Variants in PRKG1 observed in about 807,000 individuals in gnomAD.
PRKG1 encodes the protein cGMP-dependent protein kinase 1.
In PRKG1, 35 loss-of-function variants were observed where a neutral mutation model predicts 88.1. That is an observed-to-expected ratio of 0.40 (90% CI 0.30 to 0.53). The LOEUF is 0.53. PRKG1 is among the 20% of genes least tolerant of loss of function. The probability of loss-of-function intolerance (pLI) is 0.59; values close to 1 mark genes in which losing one functional copy is unlikely to be tolerated. For missense variants in PRKG1, 540 were observed against 839.8 expected (o/e 0.64, Z 4.41); for synonymous variants, 303 against 292.5 (o/e 1.04, Z -0.37).
intron 3 of PRKG1, among the ~76,000 whole-genome samples, chr10:51,598,892 A>G (rs1838526544): frequency 1.3e-5 from 2 of 152,148 alleles, no homozygotes; most frequent in African/African-American, 2.4e-5. Flanking sequence ...GATGGCTGTC[A>G]TGTTTCCCGT....
chr10:51,080,390 T>C (rs1844076367), intron 1 of PRKG1, among the ~76,000 whole-genome samples: 1 of 152,144 alleles, frequency 6.6e-6, no homozygotes, highest in South Asian at 2.1e-4. Flanking sequence ...AGAACACAGA[T>C]GATGTTTCTA....
chr10:50,994,177 G>T (rs1224856173), intron 1 of PRKG1, among the ~76,000 whole-genome samples: 1 of 152,068 alleles, frequency 6.6e-6, no homozygotes, highest in East Asian at 1.9e-4. Context: ...TATAATATAT[G>T]GGGAGAGTAA....
intron 1 of PRKG1, among the ~76,000 whole-genome samples, chr10:51,136,626 T>G (rs1476602743): frequency 6.9e-6 from 1 of 145,286 alleles, no homozygotes; most frequent in Non-Finnish European, 1.5e-5. Flanking sequence ...GGAAGGGAGA[T>G]GAAAATACAG....
intron 4 of PRKG1, among the ~76,000 whole-genome samples, chr10:51,847,201 C>T (rs1589348914): frequency 1.3e-5 from 2 of 152,032 alleles, no homozygotes; most frequent in Non-Finnish European, 2.9e-5. Flanking sequence ...TTCTAATTTC[C>T]AAAAGAATTT....
At chr10:51,248,406 TA>T (rs1042775961) in intron 2 of PRKG1, among the ~76,000 whole-genome samples, 3 of 151,842 alleles carry the variant, frequency 2.0e-5, no homozygotes, top group African/African-American at 2.4e-5. Flanking sequence ...AATGTTTTAT[TA>T]AAAAAATCGC....
intron 2 of PRKG1, among the ~76,000 whole-genome samples, chr10:51,415,147 G>A (rs78201693): frequency 0.02 from 3,006 of 152,300 alleles, 91 homozygotes; most frequent in African/African-American, 0.068. Context: ...TCTGATCTCA[G>A]AGCCTATGTC....
intron 17 of PRKG1, among the ~76,000 whole-genome samples, chr10:52,291,288 G>T (rs1466859039): frequency 6.6e-6 from 1 of 150,458 alleles, no homozygotes; most frequent in Non-Finnish European, 1.5e-5. Context: ...AAGTTTTAGG[G>T]TACATGTGCA....
At chr10:51,575,467 C>A (rs1487821639) in intron 3 of PRKG1, among the ~76,000 whole-genome samples, 2 of 151,874 alleles carry the variant, frequency 1.3e-5, no homozygotes. Flanking sequence ...TTGAGATATT[C>A]TTTCCAGAAT....
chr10:51,810,581 C>A (rs984396015), intron 4 of PRKG1, among the ~76,000 whole-genome samples: 2 of 152,110 alleles, frequency 1.3e-5, no homozygotes, highest in African/African-American at 2.4e-5. Context: ...AGGTAGTGAG[C>A]CCCAAGTCCA....
chr10:51,380,806 G>T (rs1238654816), intron 2 of PRKG1, among the ~76,000 whole-genome samples: 1 of 152,118 alleles, frequency 6.6e-6, no homozygotes, highest in Non-Finnish European at 1.5e-5. Flanking sequence ...GGGGGCCAGG[G>T]TATAACCTTA....
intron 4 of PRKG1, among the ~76,000 whole-genome samples, chr10:51,827,923 C>T (rs929985035): frequency 6.6e-6 from 1 of 151,954 alleles, no homozygotes; most frequent in Non-Finnish European, 1.5e-5. Flanking sequence ...TTCTCTGGTA[C>T]CTGAGAAACT....
In PRKG1 at chr10:51,930,071, G is replaced by A. The variant is rs893333977; in HGVS notation, c.762+22501G>A. On this transcript the variant is annotated intron_variant, in intron 5 of 17. Transcript: ENST00000373980. ...CAAAGTTCACTCCATGTGGTGGTAT[G>A]TCAGAATTTCCTTCCTTCTAAGGCT... is the stretch of plus-strand genomic sequence containing the variant. Among the ~76,000 whole-genome samples the A allele has an allele frequency of 2.0e-5, 3 of 152,314 alleles. No homozygotes were observed. The South Asian group carries it at 6.2e-4, about 32-fold the overall frequency.
intron 2 of PRKG1, among the ~76,000 whole-genome samples, chr10:51,405,447 G>A (rs1837882445): frequency 6.6e-6 from 1 of 152,156 alleles, no homozygotes; most frequent in Non-Finnish European, 1.5e-5. Flanking sequence ...GATAGCCACT[G>A]CTAAAATTCA....
intron 5 of PRKG1, among the ~76,000 whole-genome samples, chr10:51,955,599 A>G (rs991708518): frequency 1.3e-5 from 2 of 152,160 alleles, no homozygotes; most frequent in Non-Finnish European, 2.9e-5. Context: ...ATTATGATGA[A>G]TAGTTTTTTA....
At chr10:51,053,530 A>AC (rs1253538930) in intron 1 of PRKG1, among the ~76,000 whole-genome samples, 1 of 152,016 alleles carries the variant, frequency 6.6e-6, no homozygotes, top group Admixed American at 6.6e-5. Context: ...TACATGCATC[A>AC]CCCCCCATGG....
chr10:51,809,900 C>T (rs1473861748), intron 4 of PRKG1, among the ~76,000 whole-genome samples: 12 of 152,144 alleles, frequency 7.9e-5, no homozygotes. Flanking sequence ...CCATCTTCTC[C>T]TTCTTTATTC....
intron 3 of PRKG1, among the ~76,000 whole-genome samples, chr10:51,495,319 GCCTGA>G (rs1268608428): frequency 1.3e-5 from 2 of 152,176 alleles, no homozygotes; most frequent in East Asian, 3.9e-4. Flanking sequence ...GGTCTTAGAC[GCCTGA>G]CCTCAAGTGG....
At chr10:51,393,664 A>G (rs1837500365) in intron 2 of PRKG1, among the ~76,000 whole-genome samples, 1 of 152,154 alleles carries the variant, frequency 6.6e-6, no homozygotes, top group South Asian at 2.1e-4. Flanking sequence ...TTGGCTCAGG[A>G]CTCATAATCC....
chr10:51,138,675 G>GTTTTTTTTTTTTT lies in PRKG1; in HGVS notation c.312-14475_312-14463dup, dbSNP rs71459405. Among the ~76,000 whole-genome samples the GTTTTTTTTTTTTT allele has an allele frequency of 8.8e-5, 6 of 68,490 alleles. 2 individuals are homozygous for GTTTTTTTTTTTTT. Among genetic ancestry groups the GTTTTTTTTTTTTT allele is most frequent in the Admixed American group, 3.7e-4 (2 of 5,388 alleles). The allele number at this position is 68,490 out of a possible 152,430, so 44.9% of individuals were successfully genotyped here. On this transcript the variant is annotated intron_variant, in intron 1 of 17. Transcript: ENST00000373980. ...CCAGTCTTTTTGGACATTGAGTTTT[G>GTTTTTTTTTTTTT]TTTTTTTTTTTTTTTTTTTTTTTTT...
Sources: allele counts gnomAD v4.1 joint callset (sites outside exome capture counted in the v4.1 genomes callset), GRCh38; gene constraint gnomAD v4.1.1; transcripts MANE v1.5; gene names NCBI Gene and HGNC (gene_info 2026-07-23, HGNC 2026-07-21).